The following DCT variants were observed in gnomAD, a reference collection of about 807,000 sequenced individuals.
DCT encodes the protein dopachrome tautomerase, also known as L-dopachrome tautomerase.
Under a neutral mutation model 53.0 loss-of-function variants are expected in DCT, and 47 were observed. The observed-to-expected ratio is 0.89, with a 90% CI of 0.70 to 1.13. DCT has a LOEUF of 1.13. Among genes scored for constraint, DCT ranks in the 50% most tolerant of loss-of-function variants. DCT has a pLI of 0.00. For synonymous variants in DCT, 244 were observed against 237.0 expected, an observed-to-expected ratio of 1.03 and a Z score of -0.27; for missense variants, 669 against 637.4, an observed-to-expected ratio of 1.05 and a Z score of -0.53.
At chr13:94,530,310 C>A in the DCT span, among the ~76,000 whole-genome samples, 2,619 of 152,224 alleles carry the variant, frequency 0.017, 131 homozygotes, top group East Asian at 0.2. Flanking sequence ...CATCCTGATA[C>A]CAAAGACTGG....
rs774249129 is a variant in DCT, at chr13:94,479,257, G to A, written c.-2C>T. The A allele has an allele frequency of 6.4e-7, 1 of 1,568,418 alleles. No homozygotes were observed. Among genetic ancestry groups the A allele is most frequent in the East Asian group, 2.3e-5 (1 of 44,028 alleles). On this transcript the variant is annotated 5_prime_UTR_variant, in exon 1 of 8. Coordinates refer to ENST00000377028, the MANE Select transcript of DCT (RefSeq NM_001922.5). Reference sequence around the variant, plus strand: ...AAACCCCCACCAAAGGGGGCTCATGGCTTTATAATTGGGAGAGCTCTCTCT... The same window carrying A: ...AAACCCCCACCAAAGGGGGCTCATGACTTTATAATTGGGAGAGCTCTCTCT...
the DCT span, among the ~76,000 whole-genome samples, chr13:94,489,520 G>A: frequency 2.6e-5 from 4 of 152,138 alleles, no homozygotes; most frequent in Admixed American, 6.6e-5. Flanking sequence ...AGCAGAATCT[G>A]GCACACAGTA....
chr13:94,481,710 CCA>C (rs1332258042), upstream of DCT, among the ~76,000 whole-genome samples: 1 of 152,084 alleles, frequency 6.6e-6, no homozygotes, highest in East Asian at 1.9e-4. Context: ...GTTGTGAGCC[CCA>C]GACTCATATT....
At chr13:94,451,546 T>C (rs1883091609) in intron 6 of DCT, among the ~76,000 whole-genome samples, 1 of 152,224 alleles carries the variant, frequency 6.6e-6, no homozygotes, top group Admixed American at 6.5e-5. Flanking sequence ...TTAGCCTCTC[T>C]AAACTGTATT....
At chr13:94,445,894 G>A in intron 6 of DCT, 1 of 632,238 alleles carries the variant, frequency 1.6e-6, no homozygotes, top group Non-Finnish European at 2.8e-6. Flanking sequence ...TGGGGGGGCG[G>A]GGTGAAATGG....
At chr13:94,505,157 C>T in the DCT span, among the ~76,000 whole-genome samples, 91 of 150,662 alleles carry the variant, frequency 6.0e-4, no homozygotes, top group African/African-American at 2.2e-3. Context: ...ATCCTGAAGG[C>T]CCTGGTTTGG....
At chr13:94,514,854 T>C in the DCT span, among the ~76,000 whole-genome samples, 21 of 152,344 alleles carry the variant, frequency 1.4e-4, no homozygotes, top group South Asian at 4.1e-4. Flanking sequence ...ACTACTCTGA[T>C]GACAGGATGG....
chr13:94,445,789 T>C (rs1359437214), intron 6 of DCT: 1 of 1,533,408 alleles, frequency 6.5e-7, no homozygotes. Flanking sequence ...TTAATAGAAA[T>C]TTTGTTTGTA....
chr13:94,450,283 A>G (rs2139295904), intron 6 of DCT, among the ~76,000 whole-genome samples: 1 of 152,266 alleles, frequency 6.6e-6, no homozygotes, highest in African/African-American at 2.4e-5. Context: ...TTGTTTTAGC[A>G]GCCTGAATGG....
chr13:94,473,376 G>A (rs1186767096), intron 1 of DCT, among the ~76,000 whole-genome samples: 4 of 152,166 alleles, frequency 2.6e-5, no homozygotes, highest in Admixed American at 6.5e-5. Context: ...TTTAAGGTAG[G>A]TTATGCTAAG....
intron 2 of DCT, chr13:94,467,041 C>T (rs1172359844): frequency 1.9e-5 from 3 of 153,858 alleles, no homozygotes; most frequent in African/African-American, 4.8e-5. Context: ...AAGGCATTTG[C>T]TAACCTATGC....
At position 94,439,774 on chromosome 13, in the gene DCT, A is replaced by G. The variant is rs1882144620; in HGVS notation, c.*124T>C. 4.3e-6 allele frequency: 3 copies of G among 690,692 alleles called. No homozygotes were observed. The South Asian group carries it at 8.3e-5, about 19-fold the overall frequency. 42.8% of individuals were successfully genotyped at this position (690,692 alleles called of 1,614,324 possible). On this transcript the variant is annotated 3_prime_UTR_variant, in exon 8 of 8. Transcript: ENST00000377028. ...GCATCTTCTGAATGAGATCATCATC[A>G]CTATAGAAGAACCTATGTCAAAGAT...
At chr13:94,546,942 G>A in the DCT span, among the ~76,000 whole-genome samples, 1 of 152,020 alleles carries the variant, frequency 6.6e-6, no homozygotes, top group South Asian at 2.1e-4. The surrounding 1 kb of genome is among the most constrained non-coding windows in gnomAD (Gnocchi z 4.2). Context: ...AGCACTAGCA[G>A]GCCACTGTGC....
the DCT span, among the ~76,000 whole-genome samples, chr13:94,491,592 AT>A: frequency 6.6e-6 from 1 of 152,204 alleles, no homozygotes; most frequent in African/African-American, 2.4e-5. Flanking sequence ...TCAAATACTC[AT>A]TCTCTTTTTA....
the DCT span, among the ~76,000 whole-genome samples, chr13:94,489,011 G>A: frequency 1.3e-5 from 2 of 152,108 alleles, no homozygotes; most frequent in Non-Finnish European, 2.9e-5. Flanking sequence ...ACTTGTCTGT[G>A]TCTATCTGCC....
upstream of DCT, among the ~76,000 whole-genome samples, chr13:94,483,499 A>C (rs1885534468): frequency 6.9e-6 from 1 of 144,792 alleles, no homozygotes; most frequent in Non-Finnish European, 1.5e-5. Context: ...CTTTCATATG[A>C]CTTAGTTTGT....
chr13:94,476,054 A>C (rs796881259), intron 1 of DCT, among the ~76,000 whole-genome samples: 14 of 152,296 alleles, frequency 9.2e-5, no homozygotes, highest in African/African-American at 3.4e-4. Context: ...GAGGCAGACC[A>C]TCTCCCTGGA....
the DCT span, among the ~76,000 whole-genome samples, chr13:94,518,058 T>TAAAGA: frequency 1.9e-3 from 216 of 112,272 alleles, no homozygotes; most frequent in African/African-American, 6.0e-3. Flanking sequence ...GTCTGGGCAA[T>TAAAGA]AAAGAAAAGA....
intron 1 of DCT, among the ~76,000 whole-genome samples, chr13:94,477,469 T>C (rs754366813): frequency 4.8e-5 from 7 of 145,520 alleles, no homozygotes; most frequent in Non-Finnish European, 1.0e-4. Context: ...ATGGCAACAA[T>C]AGGCACTGGG....
Sources: allele counts gnomAD v4.1 joint callset (sites outside exome capture counted in the v4.1 genomes callset), GRCh38; gene constraint gnomAD v4.1.1; non-coding constraint Gnocchi (gnomAD v3.1); transcripts MANE v1.5; gene names NCBI Gene and HGNC (gene_info 2026-07-23, HGNC 2026-07-21).